Variants in APC observed in about 807,000 individuals in gnomAD.
APC encodes the protein adenomatous polyposis coli protein.
In APC, 72 loss-of-function variants were observed where a neutral mutation model predicts 247.0. That is an observed-to-expected ratio of 0.29 (90% CI 0.24 to 0.35). The LOEUF (loss-of-function observed/expected upper bound fraction) is 0.35, where lower values mean the gene tolerates loss of function less well. Ranked by LOEUF, APC falls within the 10% of genes least tolerant of loss-of-function variation. APC has a pLI of 1.00. For synonymous variants in APC, 1,254 were observed against 1,162.5 expected (o/e 1.08, Z -1.60); for missense variants, 3,400 against 3,360.7 (o/e 1.01, Z -0.29).
chr5:112,738,156 G>C (rs545994413), intron 1 of APC, among the ~76,000 whole-genome samples: 1 of 152,182 alleles, frequency 6.6e-6, no homozygotes, highest in Non-Finnish European at 1.5e-5. Flanking sequence ...GGGAGGGGTA[G>C]AAGTGTTAAG....
chr5:112,783,953 G>C (rs977341678), intron 6 of APC, among the ~76,000 whole-genome samples: 3 of 151,772 alleles, frequency 2.0e-5, no homozygotes, highest in Admixed American at 2.0e-4. Flanking sequence ...ATAAAGTAAG[G>C]TACTATTTTT....
At position 112,844,214 on chromosome 5, in the gene APC, G is replaced by A. The variant is rs1766783874; in HGVS notation, c.*88G>A. 2.4e-6 allele frequency: 3 copies of A among 1,268,134 alleles called. No individual in the cohort carries two copies. The highest frequency in any genetic ancestry group is 2.2e-6 in the Non-Finnish European group (2 of 909,172). The allele number at this position is 1,268,134 out of a possible 1,614,324, so 78.6% of individuals were successfully genotyped here. On this transcript the variant is annotated 3_prime_UTR_variant, in exon 16 of 16. Coordinates refer to ENST00000257430, the MANE Select transcript of APC (RefSeq NM_000038.6). ...GTTTCAAATGAAACTTTAAAAGACT[G>A]AAAAATTTTGTAAATAGGTTTGATT...
intron 5 of APC, among the ~76,000 whole-genome samples, chr5:112,780,200 G>T (rs1254966528): frequency 1.3e-5 from 2 of 152,010 alleles, no homozygotes; most frequent in Non-Finnish European, 2.9e-5. Flanking sequence ...TTTCAACTTT[G>T]CTTTACTTTT....
Position 112,840,859 on chromosome 5 carries a change from G to A in APC, c.5265G>A (p.Ala1755=), listed in dbSNP as rs34506289. The change falls in exon 16 of 16, where the codon GCG becomes GCA. Residue 1755 remains alanine, a synonymous_variant. Transcript: ENST00000257430. The surrounding 1 kb of genome is among the most constrained non-coding windows in gnomAD (Gnocchi z 4.1). The part of the protein sequence containing the change: ...KIMDQVQQAS[A]SSSAPNKNQL... ...TGGACCAGGTCCAGCAAGCATCTGC[G>A]TCTTCTTCTGCACCCAACAAAAATC... 12,043 of 1,614,050 alleles carry A rather than the reference G, an allele frequency of 7.5e-3. 62 individuals carry two copies. The highest frequency in any genetic ancestry group is 0.012 in the Middle Eastern group (74 of 6,062).
chr5:112,823,610 T>C (rs1289241569), intron 11 of APC, among the ~76,000 whole-genome samples: 8 of 152,230 alleles, frequency 5.3e-5, no homozygotes, highest in Non-Finnish European at 1.0e-4. Flanking sequence ...TTTGTACATA[T>C]ATGAAGATTC....
chr5:112,770,583 G>T (rs965717460), intron 4 of APC, among the ~76,000 whole-genome samples: 2 of 152,004 alleles, frequency 1.3e-5, no homozygotes, highest in African/African-American at 4.8e-5. Flanking sequence ...TTGTTAGAAG[G>T]TTCTCAACTC....
Position 112,836,175 on chromosome 5 carries a change from C to CA in APC, c.1958+1010_1958+1011insA, listed in dbSNP as rs1486120459. 1.4e-4 allele frequency among the ~76,000 whole-genome samples: 11 copies of CA among 78,502 alleles called. 1 individual carries two copies. The highest frequency in any genetic ancestry group is 3.2e-4 in the African/African-American group (8 of 24,734). 51.5% of individuals were successfully genotyped at this position (78,502 alleles called of 152,430 possible). A position where few individuals can be genotyped will look rare whatever the true frequency, so the allele number is the denominator to read the frequency against. On this transcript the variant is annotated intron_variant, in intron 15 of 15. Transcript: ENST00000257430. ...AGCTGGGATTACAGGTCCCCCCCCC[C>CA]CCCCGCCACCGTGCCCGGCTAATTT... is the stretch of plus-strand genomic sequence containing the variant.
intron 10 of APC, 77 bp from the exon 11 acceptor site, chr5:112,821,819 A>T: frequency 8.6e-7 from 1 of 1,167,146 alleles, no homozygotes. Context: ...TGATCCCTGC[A>T]TATTTTTAAA....
chr5:112,715,765 G>A (rs889230587), intron 1 of APC, among the ~76,000 whole-genome samples: 7 of 152,004 alleles, frequency 4.6e-5, no homozygotes, highest in African/African-American at 1.4e-4. Context: ...CATCTTGAGC[G>A]TTTATCATTT....
chr5:112,768,463 C>T (rs959068654), intron 4 of APC, among the ~76,000 whole-genome samples: 3 of 149,044 alleles, frequency 2.0e-5, no homozygotes, highest in Non-Finnish European at 3.0e-5. Flanking sequence ...TAAAAGATGA[C>T]TCTTTTCATT....
At chr5:112,753,521 A>G (rs1410375846) in intron 1 of APC, among the ~76,000 whole-genome samples, 1 of 152,204 alleles carries the variant, frequency 6.6e-6, no homozygotes, top group Non-Finnish European at 1.5e-5. Context: ...GAAAGGGCAA[A>G]GATTAAATCA....
intron 2 of APC, among the ~76,000 whole-genome samples, chr5:112,764,221 G>A (rs1450828879): frequency 6.7e-6 from 1 of 149,172 alleles, no homozygotes; most frequent in Admixed American, 6.7e-5. Context: ...TCTCCAGCCT[G>A]GGCGACAGAG....
At chr5:112,730,067 A>C (rs764489582) in intron 1 of APC, among the ~76,000 whole-genome samples, 6 of 152,252 alleles carry the variant, frequency 3.9e-5, no homozygotes, top group Non-Finnish European at 7.3e-5. Flanking sequence ...CCTGCATTTA[A>C]AGAAATTTTG....
At chr5:112,780,992 T>G in intron 6 of APC, 89 bp downstream of exon 6, 1 of 898,938 alleles carries the variant, frequency 1.1e-6, no homozygotes, top group Non-Finnish European at 1.8e-6. Flanking sequence ...TTAAATTTTA[T>G]TAAAGACATA....
chr5:112,736,828 C>A (rs1198071382), upstream of APC, among the ~76,000 whole-genome samples: 1 of 152,126 alleles, frequency 6.6e-6, no homozygotes, highest in Non-Finnish European at 1.5e-5. Context: ...GCAGGAGAAT[C>A]GCTTGAACCC....
intron 1 of APC, among the ~76,000 whole-genome samples, chr5:112,728,956 G>C (rs1020005786): frequency 1.3e-5 from 2 of 152,024 alleles, no homozygotes; most frequent in Non-Finnish European, 2.9e-5. Flanking sequence ...TGAAATCTCT[G>C]CCCTGAAAAA....
rs182374036 is a variant in APC at position 112,751,523 on chromosome 5, T to C, written c.-18-3350T>C. ...AGTCTACTTTTCTATCTTTCTCATA[T>C]ATGTTTTGGACTCTTTTTGTAGTTT... is the stretch of plus-strand genomic sequence containing the variant. On this transcript the variant is annotated intron_variant, in intron 1 of 15. Coordinates refer to ENST00000257430, the MANE Select transcript of APC (RefSeq NM_000038.6). Among the ~76,000 whole-genome samples the C allele has an allele frequency of 4.6e-5, 7 of 152,170 alleles. No homozygotes were observed. In the East Asian group the frequency reaches 1.2e-3, roughly 25 times the overall value.
chr5:112,758,331 G>A (rs1490134689), intron 2 of APC, among the ~76,000 whole-genome samples: 1 of 151,654 alleles, frequency 6.6e-6, no homozygotes, highest in Admixed American at 6.6e-5. Flanking sequence ...TTTGTTTTTT[G>A]TTTTTTGTTT....
intron 6 of APC, among the ~76,000 whole-genome samples, chr5:112,789,217 A>G (rs114905048): frequency 0.016 from 2,471 of 152,310 alleles, 42 homozygotes; most frequent in Non-Finnish European, 0.021. Flanking sequence ...TTCTTGTCAT[A>G]TAGAAAAAGG....
Sources: gnomAD v4.1 joint callset for allele counts (sites outside exome capture counted in the v4.1 genomes callset) on GRCh38, gnomAD v4.1.1 for gene constraint, Gnocchi (gnomAD v3.1) non-coding constraint, MANE v1.5 for transcripts, NCBI Gene and HGNC (gene_info 2026-07-23, HGNC 2026-07-21) for gene names.